Variants in FTO observed in about 807,000 individuals in gnomAD.
FTO encodes the protein FTO alpha-ketoglutarate dependent dioxygenase.
FTO carries 47 observed loss-of-function variants against 63.9 expected under a neutral mutation model. The ratio of observed to expected loss-of-function variants is 0.74; its 90% CI spans 0.58 to 0.94. The LOEUF (loss-of-function observed/expected upper bound fraction) is 0.94, where lower values mean the gene tolerates loss of function less well. Among genes scored for constraint, FTO ranks in the 40% least tolerant of loss-of-function variants. The pLI is 0.00. For synonymous variants in FTO, 207 were observed against 224.4 expected, an observed-to-expected ratio of 0.92 and a Z score of 0.69; for missense variants, 562 against 618.1, an observed-to-expected ratio of 0.91 and a Z score of 0.96.
At chr16:53,945,445 G>C (rs963598681) in intron 8 of FTO, among the ~76,000 whole-genome samples, 3 of 152,226 alleles carry the variant, frequency 2.0e-5, no homozygotes, top group Non-Finnish European at 4.4e-5. Context: ...GGTTGGCCAA[G>C]AGCAATAACA....
chr16:53,877,827 C>G (rs186685566), intron 5 of FTO, among the ~76,000 whole-genome samples: 2 of 152,102 alleles, frequency 1.3e-5, no homozygotes, highest in East Asian at 3.9e-4. Context: ...CACATCCCAC[C>G]CCTCTCTCTT....
chr16:53,709,532 A>G (rs1428716142), intron 1 of FTO, among the ~76,000 whole-genome samples: 3 of 152,130 alleles, frequency 2.0e-5, no homozygotes, highest in Non-Finnish European at 2.9e-5. Flanking sequence ...TCTAGCTACT[A>G]TTCCAGGGGT....
intron 7 of FTO, among the ~76,000 whole-genome samples, chr16:53,919,010 A>G (rs949585132): frequency 1.3e-5 from 2 of 152,342 alleles, no homozygotes; most frequent in African/African-American, 2.4e-5. Context: ...ATCAAATGAG[A>G]TGAAGTTAAT....
intron 4 of FTO, among the ~76,000 whole-genome samples, chr16:53,846,094 T>C (rs527826873): frequency 1.3e-5 from 2 of 151,886 alleles, no homozygotes; most frequent in South Asian, 4.1e-4. Flanking sequence ...AGTCACTTAG[T>C]TATGAGGTAG....
intron 8 of FTO, among the ~76,000 whole-genome samples, chr16:54,108,011 G>A (rs2086795156): frequency 1.3e-5 from 2 of 152,102 alleles, no homozygotes; most frequent in African/African-American, 4.8e-5. Flanking sequence ...AGCCAATCAA[G>A]GCTCTCCCCT....
chr16:54,011,940 A>C (rs1466601089), intron 8 of FTO, among the ~76,000 whole-genome samples: 5 of 152,132 alleles, frequency 3.3e-5, no homozygotes, highest in Admixed American at 2.0e-4. Context: ...ATTCCTTGAG[A>C]CACAACAGTA....
chr16:53,742,350 A>G lies in FTO; in HGVS notation c.45+38121A>G, dbSNP rs144633435. 1.5e-3 allele frequency among the ~76,000 whole-genome samples: 225 copies of G among 152,290 alleles called. 1 individual carries two copies. The highest frequency in any genetic ancestry group is 5.3e-3 in the African/African-American group (220 of 41,560). On this transcript the variant is annotated intron_variant, in intron 1 of 8. Transcript: ENST00000471389. ...CCATATGGCCACCCCTAGCTGCAAGAAAGTCTGGGAAGGCAAGTTTTTTTT... is the reference window on the plus strand; with the variant it reads ...CCATATGGCCACCCCTAGCTGCAAGGAAGTCTGGGAAGGCAAGTTTTTTTT...
rs772358108 is a variant in FTO at position 53,856,355 on chromosome 16, CT to C, written c.895+12070del. Among the ~76,000 whole-genome samples, 620 of 112,580 alleles carry C rather than the reference CT, an allele frequency of 5.5e-3. 2 individuals are homozygous for C. The Middle Eastern group carries it at 0.068, about 12-fold the overall frequency. The allele number at this position is 112,580 out of a possible 152,430, so 73.9% of individuals were successfully genotyped here. A position where few individuals can be genotyped will look rare whatever the true frequency, so the allele number is the denominator to read the frequency against. On this transcript the variant is annotated intron_variant, in intron 4 of 8. Coordinates refer to ENST00000471389, the MANE Select transcript of FTO (RefSeq NM_001080432.3). Reference sequence around the variant, plus strand: ...TTTGTAATCTAAGCCCAATAAACATCTTTTTTTTTTTTTGGGGGGGGATATT... The same window carrying C: ...TTTGTAATCTAAGCCCAATAAACATCTTTTTTTTTTTTGGGGGGGGATATT...
chr16:53,716,788 A>G (rs1358030902), intron 1 of FTO, among the ~76,000 whole-genome samples: 2 of 151,462 alleles, frequency 1.3e-5, no homozygotes, highest in African/African-American at 4.8e-5. Context: ...AAAACTAACA[A>G]ATATGGAAAA....
At chr16:54,083,669 G>C (rs61623278) in intron 8 of FTO, among the ~76,000 whole-genome samples, 1 of 151,950 alleles carries the variant, frequency 6.6e-6, no homozygotes, top group African/African-American at 2.4e-5. Context: ...ACACGACACC[G>C]CCCTCCCTAC....
intron 8 of FTO, among the ~76,000 whole-genome samples, chr16:54,107,500 A>G (rs559352764): frequency 2.0e-5 from 3 of 152,224 alleles, no homozygotes; most frequent in African/African-American, 7.2e-5. Context: ...TAGAAATACT[A>G]TTTGAAACAA....
intron 3 of FTO, among the ~76,000 whole-genome samples, chr16:53,838,465 C>T (rs1168593429): frequency 3.9e-5 from 6 of 151,980 alleles, no homozygotes. Flanking sequence ...CATGTGCCAC[C>T]ACACCCGGCT....
At chr16:54,025,969 C>A (rs780504229) in intron 8 of FTO, among the ~76,000 whole-genome samples, 1 of 152,028 alleles carries the variant, frequency 6.6e-6, no homozygotes, top group Non-Finnish European at 1.5e-5. Context: ...GCTGAGATCA[C>A]GCCACTGCAC....
rs59578934 is a variant in FTO at position 53,968,933 on chromosome 16, T to C, written c.1364+34824T>C. Among the ~76,000 whole-genome samples, 83 of 152,322 alleles carry C rather than the reference T, an allele frequency of 5.4e-4. 1 individual carries two copies. In the East Asian group the frequency reaches 0.014, roughly 25 times the overall value. ...CAAACTCCTTTTCATCTAGTACTGT[T>C]TGGCTCAGAGGAAAGGAAACTTTCA... On this transcript the variant is annotated intron_variant, in intron 8 of 8. Coordinates refer to ENST00000471389, the MANE Select transcript of FTO (RefSeq NM_001080432.3).
chr16:54,115,212 A>C lies in FTO; in HGVS notation c.*3297A>C, dbSNP rs2086966573. On this transcript the variant is annotated 3_prime_UTR_variant, in exon 9 of 9. Coordinates refer to ENST00000471389, the MANE Select transcript of FTO (RefSeq NM_001080432.3). ...TCCCTGTGGTCCCAGGTCTCTTGAG[A>C]AAAGTGATCTAAGAGATCCCTTTGC... The C allele has an allele frequency of 6.6e-6, 1 of 152,146 alleles. No individual in the cohort carries two copies. Among genetic ancestry groups the C allele is most frequent in the South Asian group, 2.1e-4 (1 of 4,824 alleles). The allele number at this position is 152,146 out of a possible 1,614,324, so 9.4% of individuals were successfully genotyped here.
intron 2 of FTO, 48 bp downstream of exon 2, chr16:53,810,265 A>C (rs1213550375): frequency 3.0e-6 from 4 of 1,335,998 alleles, no homozygotes; most frequent in Admixed American, 1.7e-5. Flanking sequence ...TGTTCTGATC[A>C]ACCTTATTTT....
intron 1 of FTO, among the ~76,000 whole-genome samples, chr16:53,774,115 G>T (rs1029892938): frequency 6.6e-6 from 1 of 152,140 alleles, no homozygotes; most frequent in Middle Eastern, 3.4e-3. Flanking sequence ...AGAATTAACC[G>T]ACAGAAGACC....
At chr16:53,815,025 C>T (rs982020876) in intron 2 of FTO, among the ~76,000 whole-genome samples, 1 of 151,908 alleles carries the variant, frequency 6.6e-6, no homozygotes, top group African/African-American at 2.4e-5. Context: ...AGGAAAAGCA[C>T]CCGAGGCCAA....
At chr16:54,106,669 T>C (rs2086760313) in intron 8 of FTO, among the ~76,000 whole-genome samples, 1 of 137,324 alleles carries the variant, frequency 7.3e-6, no homozygotes, top group South Asian at 2.2e-4. Context: ...TTATATATTA[T>C]ATAATAAATA....
Sources: allele counts gnomAD v4.1 joint callset (sites outside exome capture counted in the v4.1 genomes callset), GRCh38; gene constraint gnomAD v4.1.1; transcripts MANE v1.5; gene names NCBI Gene and HGNC (gene_info 2026-07-23, HGNC 2026-07-21).